Variants in ZNF804B observed in about 807,000 individuals in gnomAD.
ZNF804B encodes zinc finger protein 804B.
A neutral mutation model predicts 101.4 loss-of-function variants in ZNF804B; 80 were observed. The observed-to-expected ratio is 0.79, with a 90% CI of 0.66 to 0.95. The LOEUF (loss-of-function observed/expected upper bound fraction) is 0.95. ZNF804B is among the 40% of genes least tolerant of loss of function. ZNF804B has a pLI of 0.00. For synonymous variants in ZNF804B, 622 were observed against 558.8 expected (o/e 1.11, Z -1.59); for missense variants, 1,673 against 1,561.9 (o/e 1.07, Z -1.20).
At chr7:89,096,217 T>C (rs1789970494) in intron 1 of ZNF804B, among the ~76,000 whole-genome samples, 1 of 151,308 alleles carries the variant, frequency 6.6e-6, no homozygotes, top group Admixed American at 6.6e-5. Flanking sequence ...ATCTATGGTG[T>C]GACTAGACAA....
chr7:89,203,060 G>C (rs1291060752), intron 1 of ZNF804B, among the ~76,000 whole-genome samples: 3 of 151,894 alleles, frequency 2.0e-5, no homozygotes, highest in Non-Finnish European at 4.4e-5. Flanking sequence ...TGCACATACA[G>C]AATAGATTGG....
intron 2 of ZNF804B, among the ~76,000 whole-genome samples, chr7:89,258,097 A>C (rs1789662125): frequency 6.6e-6 from 1 of 152,022 alleles, no homozygotes; most frequent in East Asian, 1.9e-4. Context: ...AAAATAATGC[A>C]ACAATAAAAA....
chr7:89,187,988 C>T (rs1788398928), intron 1 of ZNF804B, among the ~76,000 whole-genome samples: 1 of 152,016 alleles, frequency 6.6e-6, no homozygotes, highest in Non-Finnish European at 1.5e-5. Context: ...GGACTTATAC[C>T]ACATTTGCTT....
At chr7:89,123,256 G>A (rs1455830609) in intron 1 of ZNF804B, among the ~76,000 whole-genome samples, 7 of 151,742 alleles carry the variant, frequency 4.6e-5, no homozygotes, top group Non-Finnish European at 8.8e-5. Context: ...ACCTAGTTGT[G>A]AACTCAAGTA....
At chr7:89,002,107 CAT>C (rs1463122806) in intron 1 of ZNF804B, among the ~76,000 whole-genome samples, 2 of 151,402 alleles carry the variant, frequency 1.3e-5, no homozygotes, top group Non-Finnish European at 3.0e-5. Context: ...TATTATAACA[CAT>C]ATATTTTTAA....
intron 1 of ZNF804B, among the ~76,000 whole-genome samples, chr7:88,952,254 A>C (rs1448398581): frequency 1.3e-5 from 2 of 151,756 alleles, no homozygotes; most frequent in Non-Finnish European, 2.9e-5. Flanking sequence ...TAGTATCATT[A>C]ATATGCATGC....
At chr7:89,290,611 A>G (rs1339631844) in intron 2 of ZNF804B, among the ~76,000 whole-genome samples, 1 of 152,132 alleles carries the variant, frequency 6.6e-6, no homozygotes, top group African/African-American at 2.4e-5. Context: ...GGTGGTAGCC[A>G]TTACACCTTT....
chr7:88,978,289 C>T (rs1164701497), intron 1 of ZNF804B, among the ~76,000 whole-genome samples: 1 of 151,700 alleles, frequency 6.6e-6, no homozygotes, highest in Non-Finnish European at 1.5e-5. Flanking sequence ...GATTTTCTGC[C>T]TGGAAAATCT....
intron 1 of ZNF804B, among the ~76,000 whole-genome samples, chr7:89,134,540 A>G (rs1035746260): frequency 6.6e-6 from 1 of 151,986 alleles, no homozygotes; most frequent in African/African-American, 2.4e-5. Context: ...GTGACTCCCT[A>G]AAGCACCTAC....
intron 1 of ZNF804B, among the ~76,000 whole-genome samples, chr7:88,906,350 A>C (rs1792470180): frequency 6.6e-6 from 1 of 152,022 alleles, no homozygotes; most frequent in African/African-American, 2.4e-5. Flanking sequence ...TCAGTTGTTA[A>C]CTTGAGATCT....
chr7:89,112,714 T>A (rs1176397128), intron 1 of ZNF804B, among the ~76,000 whole-genome samples: 1 of 141,594 alleles, frequency 7.1e-6, no homozygotes, highest in African/African-American at 2.5e-5. Flanking sequence ...TTGGGAAGAA[T>A]TGACATCTTA....
At chr7:88,862,115 T>C (rs1791658972) in intron 1 of ZNF804B, among the ~76,000 whole-genome samples, 1 of 152,206 alleles carries the variant, frequency 6.6e-6, no homozygotes, top group African/African-American at 2.4e-5. Flanking sequence ...AATAGAACTT[T>C]TGGGTTGAAT....
chr7:89,135,157 T>C (rs1790612389), intron 1 of ZNF804B, among the ~76,000 whole-genome samples: 1 of 152,144 alleles, frequency 6.6e-6, no homozygotes, highest in African/African-American at 2.4e-5. Context: ...TTCTTTTCCA[T>C]GACTGACTTA....
chr7:88,765,139 A>G (rs1403679463), intron 1 of ZNF804B, among the ~76,000 whole-genome samples: 2 of 152,102 alleles, frequency 1.3e-5, no homozygotes, highest in Non-Finnish European at 2.9e-5. Context: ...TAGGTATTTG[A>G]GCGCTATAAT....
intron 1 of ZNF804B, among the ~76,000 whole-genome samples, chr7:89,150,859 A>T (rs1431399545): frequency 2.0e-5 from 3 of 152,080 alleles, no homozygotes; most frequent in African/African-American, 7.2e-5. Flanking sequence ...TTTGGATGGT[A>T]TACAGATATT....
chr7:89,186,438 A>G (rs1788376053), intron 1 of ZNF804B, among the ~76,000 whole-genome samples: 1 of 152,134 alleles, frequency 6.6e-6, no homozygotes, highest in South Asian at 2.1e-4. Flanking sequence ...TAAGATTTAT[A>G]TGATAGTATT....
At chr7:88,950,245 T>C (rs1793197492) in intron 1 of ZNF804B, among the ~76,000 whole-genome samples, 1 of 151,954 alleles carries the variant, frequency 6.6e-6, no homozygotes. Context: ...TATTTATCTA[T>C]CTAAATTGTT....
chr7:89,217,029 T>C (rs749804150), intron 1 of ZNF804B, among the ~76,000 whole-genome samples: 2 of 152,210 alleles, frequency 1.3e-5, no homozygotes, highest in East Asian at 1.9e-4. Flanking sequence ...GCGTAGTGCA[T>C]ATTAAGTAGC....
intron 1 of ZNF804B, among the ~76,000 whole-genome samples, chr7:89,181,583 G>T (rs969551620): frequency 1.3e-5 from 2 of 151,252 alleles, no homozygotes; most frequent in Non-Finnish European, 3.0e-5. Flanking sequence ...GGGAGGGGTG[G>T]TCTCCACAAT....
Sources: allele counts gnomAD v4.1 joint callset (sites outside exome capture counted in the v4.1 genomes callset), GRCh38; gene constraint gnomAD v4.1.1; transcripts MANE v1.5; gene names NCBI Gene and HGNC (gene_info 2026-07-23, HGNC 2026-07-21).